The following ITIH5 variants were observed in gnomAD, a reference collection of about 807,000 sequenced individuals.
The protein encoded by ITIH5 is inter-alpha-trypsin inhibitor heavy chain H5.
ITIH5 carries 65 observed loss-of-function variants against 77.5 expected under a neutral mutation model. That is an observed-to-expected ratio of 0.84 (90% CI 0.69 to 1.03). The LOEUF (loss-of-function observed/expected upper bound fraction) is 1.03. ITIH5 is among the 50% of genes least tolerant of loss of function. The pLI is 0.00. For missense variants in ITIH5, 1,208 were observed against 1,213.1 expected (o/e 1.00, Z 0.06); for synonymous variants, 525 against 494.3 (o/e 1.06, Z -0.82).
At chr10:7,632,389 C>G (rs1833727334) in intron 5 of ITIH5, among the ~76,000 whole-genome samples, 1 of 152,048 alleles carries the variant, frequency 6.6e-6, no homozygotes, top group South Asian at 2.1e-4. Flanking sequence ...TTGTACAACT[C>G]TGCCAATGTA....
At chr10:7,653,452 C>T (rs557949273) in intron 2 of ITIH5, among the ~76,000 whole-genome samples, 4 of 152,280 alleles carry the variant, frequency 2.6e-5, no homozygotes, top group African/African-American at 9.6e-5. Context: ...AGGTGATTCA[C>T]CCCCCTCAGC....
chr10:7,655,182 A>G (rs1192180811), intron 2 of ITIH5, among the ~76,000 whole-genome samples: 1 of 152,094 alleles, frequency 6.6e-6, no homozygotes, highest in Non-Finnish European at 1.5e-5. Context: ...AAGCTCTTAG[A>G]GCTTCTGAAC....
rs1564226993 is a variant in ITIH5, at chr10:7,559,789, TC to T, written c.*3293del. 2.2e-6 allele frequency: 1 copy of T among 455,308 alleles called. No individual in the cohort carries two copies. Among genetic ancestry groups the T allele is most frequent in the East Asian group, 7.0e-5 (1 of 14,356 alleles). 28.2% of individuals were successfully genotyped at this position (455,308 alleles called of 1,614,324 possible). A position where few individuals can be genotyped will look rare whatever the true frequency, so the allele number is the denominator to read the frequency against. On this transcript the variant is annotated 3_prime_UTR_variant, in exon 14 of 14. Transcript: ENST00000397146. The stretch of plus-strand genomic sequence containing the variant: ...CGTCTTCCTGGCTTGCAGGTGGCCA[TC>T]TTCTCATCGTATCCCCAGGTGGTGG...
chr10:7,640,673 A>G, intron 4 of ITIH5, 81 bp downstream of exon 4: 1 of 815,236 alleles, frequency 1.2e-6, no homozygotes. Context: ...AAGGAAGACG[A>G]CAAGAGGAGT....
At chr10:7,572,973 T>G (rs10737023) in intron 11 of ITIH5, 169 bp downstream of exon 11, 521,091 of 567,082 alleles carry the variant, frequency 0.92, 241,343 homozygotes, top group Non-Finnish European at 0.96. Flanking sequence ...AGACGAGGTT[T>G]CACCATGTTG....
chr10:7,637,620 AG>A (rs1161884089), intron 4 of ITIH5, 142 bp from the exon 5 acceptor site: 2 of 812,554 alleles, frequency 2.5e-6, no homozygotes, highest in Non-Finnish European at 3.9e-6. Flanking sequence ...GTCCTGAGAA[AG>A]GAAAAATAAA....
In ITIH5 at chr10:7,576,813, T is replaced by C. The variant is rs146077128; in HGVS notation, c.1618A>G (p.Ile540Val). ...CGCACAGGCACATCTGTCTTCAGGA[T>C]GATGAATTTCTTACTGTTGCTGGCG... ...VTASNSKKFIILKTDVPVRPQ... is the reference protein window; with the variant it reads ...VTASNSKKFIVLKTDVPVRPQ... The change falls in exon 10 of 14, where the codon ATC (isoleucine) becomes GTC (valine). Residue 540 changes from isoleucine (I) to valine (V), a missense_variant. Ile to Val is a conservative substitution (Grantham distance 29). Transcript: ENST00000397146. 274 of 1,614,042 alleles carry C rather than the reference T, an allele frequency of 1.7e-4. 1 individual carries two copies. The highest frequency in any genetic ancestry group is 4.9e-4 in the Middle Eastern group (3 of 6,082).
intron 7 of ITIH5, among the ~76,000 whole-genome samples, chr10:7,605,286 G>A (rs1222606365): frequency 1.3e-5 from 2 of 150,998 alleles, no homozygotes; most frequent in Non-Finnish European, 2.9e-5. Context: ...CCACCCACTC[G>A]ATTAACTTCT....
intron 7 of ITIH5, among the ~76,000 whole-genome samples, chr10:7,595,478 G>T (rs1832877003): frequency 6.6e-6 from 1 of 152,040 alleles, no homozygotes; most frequent in Admixed American, 6.6e-5. Context: ...TTATGGTGAT[G>T]AATTCCTCTT....
At chr10:7,610,802 A>G (rs774155833) in intron 7 of ITIH5, among the ~76,000 whole-genome samples, 7 of 152,226 alleles carry the variant, frequency 4.6e-5, no homozygotes, top group Non-Finnish European at 1.0e-4. Context: ...TTGCTCAGAC[A>G]TGTGTTTGGC....
intron 8 of ITIH5, among the ~76,000 whole-genome samples, chr10:7,582,144 G>A (rs879406419): frequency 3.3e-5 from 5 of 152,112 alleles, no homozygotes; most frequent in African/African-American, 9.7e-5. Flanking sequence ...AAAGTGCTGG[G>A]ATTACTGGCA....
At position 7,569,657 on chromosome 10, in the gene ITIH5, G is replaced by C; in HGVS notation, c.2149+11C>G. The C allele has an allele frequency of 6.4e-7, 1 of 1,573,448 alleles. No homozygotes were observed. The highest frequency in any genetic ancestry group is 2.3e-5 in the East Asian group (1 of 44,344). Reference sequence around the variant, plus strand: ...CCTTGCCCAGATGCTGCAGCGGAAGGTAGAACTTACCAGAGTCCCTGTGAT... The same window carrying C: ...CCTTGCCCAGATGCTGCAGCGGAAGCTAGAACTTACCAGAGTCCCTGTGAT... On this transcript the variant is annotated intron_variant, in intron 12 of 13. Transcript: ENST00000397146.
At chr10:7,633,729 G>T (rs1833748920) in intron 5 of ITIH5, among the ~76,000 whole-genome samples, 1 of 152,042 alleles carries the variant, frequency 6.6e-6, no homozygotes, top group South Asian at 2.1e-4. Context: ...CACTCTGCAA[G>T]TGCTTAGTCT....
intron 7 of ITIH5, among the ~76,000 whole-genome samples, chr10:7,605,535 CCCA>C (rs386740591): frequency 6.4e-5 from 3 of 47,054 alleles, no homozygotes; most frequent in African/African-American, 2.1e-4. Flanking sequence ...TACCTAGCAC[CCCA>C]CCCCCAACAG....
intron 11 of ITIH5, among the ~76,000 whole-genome samples, chr10:7,571,216 G>A (rs1440563574): frequency 6.6e-6 from 1 of 152,020 alleles, no homozygotes; most frequent in Non-Finnish European, 1.5e-5. Context: ...GACCCCCAGA[G>A]GAGATCAAAG....
chr10:7,657,123 C>A (rs1173884378), intron 1 of ITIH5, among the ~76,000 whole-genome samples: 7 of 147,470 alleles, frequency 4.7e-5, no homozygotes, highest in African/African-American at 1.8e-4. Flanking sequence ...TGGCTCACTG[C>A]AATCTCCAAC....
intron 7 of ITIH5, among the ~76,000 whole-genome samples, chr10:7,604,861 C>T (rs1207504934): frequency 3.3e-5 from 5 of 151,820 alleles, no homozygotes; most frequent in Admixed American, 1.3e-4. Flanking sequence ...GAGTCTGTGT[C>T]GCCAGGCTGG....
intron 1 of ITIH5, among the ~76,000 whole-genome samples, chr10:7,664,357 G>A (rs1323072190): frequency 6.7e-6 from 1 of 148,400 alleles, no homozygotes; most frequent in Non-Finnish European, 1.5e-5. Flanking sequence ...CAGAGAGCCT[G>A]CCACTGCACT....
At chr10:7,634,066 G>A (rs1263699452) in intron 5 of ITIH5, among the ~76,000 whole-genome samples, 1 of 133,828 alleles carries the variant, frequency 7.5e-6, no homozygotes, top group Admixed American at 8.8e-5. Context: ...TCCAGCCTGG[G>A]CGACAGAGCA....
Sources: gnomAD v4.1 joint callset for allele counts (sites outside exome capture counted in the v4.1 genomes callset) on GRCh38, gnomAD v4.1.1 for gene constraint, MANE v1.5 for transcripts, NCBI Gene and HGNC (gene_info 2026-07-23, HGNC 2026-07-21) for gene names.